The following SLC35F3 variants were observed in gnomAD, a reference collection of about 807,000 sequenced individuals.
SLC35F3 encodes the protein solute carrier family 35 member F3.
In SLC35F3, 25 loss-of-function variants were observed where a neutral mutation model predicts 49.9. The ratio of observed to expected loss-of-function variants is 0.50; its 90% confidence interval spans 0.37 to 0.70. SLC35F3 has a LOEUF of 0.70. SLC35F3 is among the 30% of genes least tolerant of loss of function. The pLI, the probability that SLC35F3 is intolerant of heterozygous loss-of-function variation, is 0.00. For missense variants in SLC35F3, 525 were observed against 639.8 expected (o/e 0.82, Z 1.94); for synonymous variants, 275 against 265.4 (o/e 1.04, Z -0.35).
At chr1:234,111,384 C>A (rs945591221) in intron 2 of SLC35F3, among the ~76,000 whole-genome samples, 1 of 152,106 alleles carries the variant, frequency 6.6e-6, no homozygotes, top group Non-Finnish European at 1.5e-5. Flanking sequence ...CTCCACCTCC[C>A]AGGTCCAAGC....
intron 2 of SLC35F3, among the ~76,000 whole-genome samples, chr1:234,209,499 C>T (rs1667019851): frequency 6.6e-6 from 1 of 152,066 alleles, no homozygotes; most frequent in Non-Finnish European, 1.5e-5. Flanking sequence ...CCCACCACAT[C>T]CCACTCCCAA....
chr1:233,935,057 G>T (rs1422725011), intron 2 of SLC35F3, among the ~76,000 whole-genome samples: 1 of 151,570 alleles, frequency 6.6e-6, no homozygotes, highest in African/African-American at 2.4e-5. Context: ...ATGTTTACTT[G>T]CTTTTCCACT....
chr1:233,914,190 C>G (rs1224386383), intron 2 of SLC35F3, among the ~76,000 whole-genome samples: 1 of 152,172 alleles, frequency 6.6e-6, no homozygotes, highest in African/African-American at 2.4e-5. Flanking sequence ...ACTCACTCAG[C>G]TCCTCTCTCC....
Position 234,094,115 on chromosome 1 carries a change from C to A in SLC35F3, c.284-137302C>A, listed in dbSNP as rs1019323649. On this transcript the variant is annotated intron_variant, in intron 2 of 7. Coordinates refer to ENST00000366618, the MANE Select transcript of SLC35F3 (RefSeq NM_173508.4). ...GACTGTGGTCTCCTGTGCCTACCTT[C>A]CTGGCAGAGTGAATTAGCCTTCACC... Among the ~76,000 whole-genome samples, 6 of 152,346 alleles carry A rather than the reference C, an allele frequency of 3.9e-5. No individual in the cohort carries two copies. In the South Asian group the frequency reaches 1.2e-3, roughly 32 times the overall value.
chr1:233,998,103 A>T (rs1202905967), intron 2 of SLC35F3, among the ~76,000 whole-genome samples: 1 of 152,062 alleles, frequency 6.6e-6, no homozygotes, highest in Non-Finnish European at 1.5e-5. Context: ...TTATAGATGG[A>T]TATGTGTGTA....
rs542978585 is a variant in SLC35F3, at chr1:234,150,991, T to C, written c.284-80426T>C. 3.3e-5 allele frequency among the ~76,000 whole-genome samples: 5 copies of C among 152,184 alleles called. No homozygotes were observed. In the South Asian group the frequency reaches 1.0e-3, roughly 32 times the overall value. On this transcript the variant is annotated intron_variant, in intron 2 of 7. Coordinates refer to ENST00000366618, the MANE Select transcript of SLC35F3 (RefSeq NM_173508.4). ...TAAAACTGGATGGGGTTCTGCTGAC[T>C]CCAATACCAGGTCAGTGTAAGAGGC...
At chr1:234,125,183 C>T (rs1293295211) in intron 2 of SLC35F3, among the ~76,000 whole-genome samples, 1 of 152,088 alleles carries the variant, frequency 6.6e-6, no homozygotes, top group Non-Finnish European at 1.5e-5. Flanking sequence ...AGTTTAGAGC[C>T]TCACACCTGA....
At chr1:234,279,454 G>C (rs1184212654) in intron 3 of SLC35F3, among the ~76,000 whole-genome samples, 1 of 151,882 alleles carries the variant, frequency 6.6e-6, no homozygotes, top group Non-Finnish European at 1.5e-5. Flanking sequence ...TCGGAAGACA[G>C]AGGGGAGACG....
In SLC35F3 at chr1:234,046,081, A is replaced by G. The variant is rs2102855303; in HGVS notation, c.283+140323A>G. Among the ~76,000 whole-genome samples, 1 of 152,284 alleles carries G rather than the reference A, an allele frequency of 6.6e-6. No individual in the cohort carries two copies. Among genetic ancestry groups the G allele is most frequent in the Middle Eastern group, 3.4e-3 (1 of 294 alleles). On this transcript the variant is annotated intron_variant, in intron 2 of 7. Transcript: ENST00000366618. The surrounding 1 kb of genome is among the most constrained non-coding windows in gnomAD (Gnocchi z 4.4). ...TTTCTCACATTTTGCTACTGAAAAC[A>G]GCACTGCAGGAAACATTTTGTATAG... is the stretch of plus-strand genomic sequence containing the variant.
At chr1:234,266,291 A>G (rs960578506) in intron 3 of SLC35F3, among the ~76,000 whole-genome samples, 16 of 152,244 alleles carry the variant, frequency 1.1e-4, no homozygotes, top group African/African-American at 3.9e-4. Flanking sequence ...ACCTGCATGT[A>G]GAAAAGACAC....
chr1:234,140,787 A>G (rs1188725512), intron 2 of SLC35F3, among the ~76,000 whole-genome samples: 1 of 152,212 alleles, frequency 6.6e-6, no homozygotes, highest in Non-Finnish European at 1.5e-5. Flanking sequence ...TTGCTCATTT[A>G]AAAAATAAAA....
chr1:234,116,794 G>A (rs775356827), intron 2 of SLC35F3, among the ~76,000 whole-genome samples: 3 of 152,172 alleles, frequency 2.0e-5, no homozygotes, highest in South Asian at 2.1e-4. Flanking sequence ...GATTACAGGC[G>A]TGAGCCACCG....
chr1:234,235,946 A>C (rs1215544085), intron 3 of SLC35F3, among the ~76,000 whole-genome samples: 1 of 152,196 alleles, frequency 6.6e-6, no homozygotes, highest in Non-Finnish European at 1.5e-5. Flanking sequence ...AGCAGTTGCA[A>C]ACCGGAGCTT....
chr1:233,912,556 A>G (rs540581771), intron 2 of SLC35F3, among the ~76,000 whole-genome samples: 1 of 152,380 alleles, frequency 6.6e-6, no homozygotes, highest in South Asian at 2.1e-4. Flanking sequence ...ATTGTCGTGA[A>G]GATTAAATGA....
intron 2 of SLC35F3, among the ~76,000 whole-genome samples, chr1:233,988,232 C>A (rs1663297001): frequency 1.3e-5 from 2 of 152,154 alleles, no homozygotes; most frequent in Admixed American, 6.6e-5. Flanking sequence ...AACTGGAAAT[C>A]TTTTCTCTTG....
chr1:233,972,816 T>C (rs1663017651), intron 2 of SLC35F3, among the ~76,000 whole-genome samples: 3 of 152,264 alleles, frequency 2.0e-5, no homozygotes, highest in African/African-American at 7.2e-5. Context: ...GATAGTTGGC[T>C]GTTTTATTTA....
At chr1:234,263,828 G>T (rs1430519703) in intron 3 of SLC35F3, among the ~76,000 whole-genome samples, 1 of 152,200 alleles carries the variant, frequency 6.6e-6, no homozygotes, top group South Asian at 2.1e-4. Context: ...TCCAGATGCT[G>T]GCCCAGCATG....
intron 2 of SLC35F3, among the ~76,000 whole-genome samples, chr1:234,195,295 C>A (rs16842784): frequency 0.074 from 11,196 of 152,204 alleles, 1,322 homozygotes; most frequent in African/African-American, 0.25. Context: ...GCCACAGAAC[C>A]ATCTGAGTAC....
intron 2 of SLC35F3, among the ~76,000 whole-genome samples, chr1:234,161,979 G>A (rs865853420): frequency 2.6e-5 from 4 of 151,970 alleles, no homozygotes; most frequent in African/African-American, 4.8e-5. Context: ...GCCCCAGTTC[G>A]TATCTAAGCA....
Sources: gnomAD v4.1 joint callset for allele counts (sites outside exome capture counted in the v4.1 genomes callset) on GRCh38, gnomAD v4.1.1 for gene constraint, Gnocchi (gnomAD v3.1) non-coding constraint, MANE v1.5 for transcripts, NCBI Gene and HGNC (gene_info 2026-07-23, HGNC 2026-07-21) for gene names.